The following SGSM3 variants were observed in gnomAD, a reference collection of about 807,000 sequenced individuals.
The protein encoded by SGSM3 is small G protein signaling modulator 3.
A neutral mutation model predicts 100.5 loss-of-function variants in SGSM3; 96 were observed. The ratio of observed to expected loss-of-function variants is 0.96; its 90% CI spans 0.81 to 1.13. The LOEUF (loss-of-function observed/expected upper bound fraction) is 1.13. SGSM3 is among the 50% of genes most tolerant of loss of function. SGSM3 has a pLI of 0.00. For missense variants in SGSM3, 1,001 were observed against 1,015.8 expected, an observed-to-expected ratio of 0.99 and a Z score of 0.20; for synonymous variants, 483 against 422.8, an observed-to-expected ratio of 1.14 and a Z score of -1.75.
intron 4 of SGSM3, 186 bp from the exon 5 acceptor site, chr22:40,404,061 T>C (rs1309998889): frequency 6.7e-6 from 3 of 447,140 alleles, no homozygotes; most frequent in Non-Finnish European, 1.2e-5. Context: ...TTGCTCCTCA[T>C]GGGGTACATG....
At chr22:40,387,166 T>C in intron 1 of SGSM3, 1 of 398,566 alleles carries the variant, frequency 2.5e-6, no homozygotes, top group South Asian at 1.3e-4. Context: ...CCTGTGAGTG[T>C]GCTTAGCAGT....
intron 1 of SGSM3, among the ~76,000 whole-genome samples, chr22:40,377,118 T>G (rs2046757401): frequency 6.6e-6 from 1 of 152,212 alleles, no homozygotes; most frequent in Non-Finnish European, 1.5e-5. Context: ...ATAAGTTGTT[T>G]TGGCCTGTCC....
rs769447450 is a variant in SGSM3 at position 40,406,098 on chromosome 22, C to T, written c.835C>T (p.His279Tyr). 1.9e-6 allele frequency: 3 copies of T among 1,613,928 alleles called. No individual in the cohort carries two copies. In the Admixed American group the frequency reaches 5.0e-5, roughly 27 times the overall value. The change falls in exon 9 of 22, where the codon CAC becomes TAC. Residue 279 changes from histidine (H) to tyrosine (Y), a missense_variant. Transcript: ENST00000248929. ...HDIELSLITL[H>Y]WFLTAFASVV... ...TACAGAGCTGTCCCTGATCACACTG[C>T]ACTGGTTCCTCACGGCCTTCGCCAG...
chr22:40,405,357 C>A, intron 7 of SGSM3, 73 bp downstream of exon 7: 1 of 1,349,860 alleles, frequency 7.4e-7, no homozygotes, highest in African/African-American at 1.5e-5. Flanking sequence ...AGTGGCCTCC[C>A]GCTACGGGGC....
intron 1 of SGSM3, among the ~76,000 whole-genome samples, chr22:40,371,574 A>G (rs1309010906): frequency 6.6e-6 from 1 of 152,150 alleles, no homozygotes; most frequent in Non-Finnish European, 1.5e-5. Context: ...ATAGGTACAT[A>G]TGTTTCCCGC....
chr22:40,381,045 T>C (rs2047483643), intron 1 of SGSM3, among the ~76,000 whole-genome samples: 1 of 152,204 alleles, frequency 6.6e-6, no homozygotes, highest in Non-Finnish European at 1.5e-5. Flanking sequence ...ATGATAATGG[T>C]TTAGCATGAT....
intron 1 of SGSM3, chr22:40,372,587 T>C (rs1028664378): frequency 1.3e-5 from 2 of 152,138 alleles, no homozygotes; most frequent in African/African-American, 4.8e-5. Context: ...ACCTCGTGAA[T>C]TTGGAAACAT....
intron 4 of SGSM3, chr22:40,404,008 TA>T: frequency 2.6e-6 from 1 of 383,250 alleles, no homozygotes; most frequent in Admixed American, 4.4e-5. Flanking sequence ...TGGATCCGGG[TA>T]GTACTATGGT....
chr22:40,404,238 T>C lies in SGSM3; in HGVS notation c.158-9T>C, dbSNP rs1217278473. On this transcript the variant is annotated splice_polypyrimidine_tract_variant and intron_variant, in intron 4 of 21. Transcript: ENST00000248929. ...GCTTTTTCTTTCCTCCTTGGCTCTC[T>C]CTTGGCAGAAGGTGATGAGCCTGGC... is the stretch of plus-strand genomic sequence containing the variant. The C allele has an allele frequency of 6.6e-7, 1 of 1,508,904 alleles. No individual in the cohort carries two copies. Among genetic ancestry groups the C allele is most frequent in the South Asian group, 1.4e-5 (1 of 73,970 alleles). The allele number at this position is 1,508,904 out of a possible 1,614,324, so 93.5% of individuals were successfully genotyped here.
chr22:40,390,568 T>C (rs1352253326), intron 1 of SGSM3: 5 of 152,240 alleles, frequency 3.3e-5, no homozygotes, highest in Non-Finnish European at 7.3e-5. Flanking sequence ...GTAGGATAAA[T>C]TTCCAGAAGC....
At chr22:40,381,003 A>T (rs1456034968) in intron 1 of SGSM3, among the ~76,000 whole-genome samples, 1 of 152,132 alleles carries the variant, frequency 6.6e-6, no homozygotes, top group African/African-American at 2.4e-5. Context: ...ATTTTCCCCC[A>T]TTGATTCACA....
rs2235318 is a variant in SGSM3, at chr22:40,404,540, C to A, written c.367-17C>A. 2.5e-4 allele frequency: 396 copies of A among 1,611,210 alleles called. 2 individuals are homozygous for A. In the African/African-American group the frequency reaches 4.2e-3, roughly 17 times the overall value. ...TCACGAGAAAGACTGAGTGCCCTTG[C>A]GGCTCCCTTCCCTCAGCTGTGGATG... On this transcript the variant is annotated splice_polypyrimidine_tract_variant and intron_variant, in intron 5 of 21. Transcript: ENST00000248929.
At chr22:40,385,930 C>T (rs749022564) in intron 1 of SGSM3, among the ~76,000 whole-genome samples, 2 of 152,048 alleles carry the variant, frequency 1.3e-5, no homozygotes, top group Admixed American at 6.5e-5. Flanking sequence ...CAGCCCACTG[C>T]AGCGTCGACC....
intron 14 of SGSM3, 22 bp from the exon 15 acceptor site, chr22:40,408,049 A>C (rs1313781960): frequency 6.2e-7 from 1 of 1,605,942 alleles, no homozygotes; most frequent in Non-Finnish European, 8.5e-7. Flanking sequence ...GTTGCTCCTT[A>C]CAGGGCCTGT....
rs754519465 is a variant in SGSM3, at chr22:40,407,229, C to T, written c.1269C>T (p.Ala423=). Reference sequence around the variant, plus strand: ...AGGATGACCTGGAGGCACTCAAGGCCAAGAACATCAAGCAGACGGAACTGG... The same window carrying T: ...AGGATGACCTGGAGGCACTCAAGGCTAAGAACATCAAGCAGACGGAACTGG... ...FGEDDLEALK[A]KNIKQTELVA... The change falls in exon 12 of 22, where the codon GCC becomes GCT. Residue 423 remains alanine, a synonymous_variant. Transcript: ENST00000248929. The surrounding 1 kb of genome is among the most constrained non-coding windows in gnomAD (Gnocchi z 4.7). 1 of 1,613,672 alleles carries T rather than the reference C, an allele frequency of 6.2e-7. No homozygotes were observed. The highest frequency in any genetic ancestry group is 8.5e-7 in the Non-Finnish European group (1 of 1,180,018).
chr22:40,400,741 C>T lies in SGSM3; in HGVS notation c.-66C>T, dbSNP rs2050638969. 4 of 1,515,356 alleles carry T rather than the reference C, an allele frequency of 2.6e-6. No homozygotes were observed. The highest frequency in any genetic ancestry group is 2.0e-5 in the Admixed American group (1 of 50,892). The allele number at this position is 1,515,356 out of a possible 1,614,324, so 93.9% of individuals were successfully genotyped here. A position where few individuals can be genotyped will look rare whatever the true frequency, so the allele number is the denominator to read the frequency against. On this transcript the variant is annotated 5_prime_UTR_variant, in exon 2 of 22. Coordinates refer to ENST00000248929, the MANE Select transcript of SGSM3 (RefSeq NM_015705.6). ...ATGAAGCCTGAGGAGCCTTCCAGCT[C>T]TAAGATAGCAGGATAGGAGACTTCT...
chr22:40,377,376 T>C (rs933144420), intron 1 of SGSM3, among the ~76,000 whole-genome samples: 3 of 152,244 alleles, frequency 2.0e-5, no homozygotes, highest in African/African-American at 4.8e-5. Context: ...AGAGCTGCTG[T>C]TGTTTTCAAC....
At chr22:40,402,303 T>G in intron 4 of SGSM3, 98 bp downstream of exon 4, 1 of 912,080 alleles carries the variant, frequency 1.1e-6, no homozygotes, top group Non-Finnish European at 1.8e-6. Context: ...GGCTGAGCTC[T>G]GATGCGTCAG....
chr22:40,371,664 C>T (rs775229402), intron 1 of SGSM3, among the ~76,000 whole-genome samples: 5 of 151,904 alleles, frequency 3.3e-5, no homozygotes, highest in Non-Finnish European at 7.4e-5. Flanking sequence ...TATTTCTGTT[C>T]TTGGTGATTA....
Sources: gnomAD v4.1 joint callset for allele counts (sites outside exome capture counted in the v4.1 genomes callset) on GRCh38, gnomAD v4.1.1 for gene constraint, Gnocchi (gnomAD v3.1) non-coding constraint, MANE v1.5 for transcripts, NCBI Gene and HGNC (gene_info 2026-07-23, HGNC 2026-07-21) for gene names.